DNAJB6: variants seen among roughly 807,000 people sequenced by gnomAD.
DNAJB6 encodes dnaJ homolog subfamily B member 6.
In DNAJB6, 16 loss-of-function variants were observed where a neutral mutation model predicts 42.7. The ratio of observed to expected loss-of-function variants is 0.37; its 90% CI spans 0.25 to 0.57. The LOEUF (loss-of-function observed/expected upper bound fraction) is 0.57. Among genes scored for constraint, DNAJB6 ranks in the 20% least tolerant of loss-of-function variants. The pLI, the probability that DNAJB6 is intolerant of heterozygous loss-of-function variation, is 0.74. For missense variants in DNAJB6, 347 were observed against 416.8 expected, an observed-to-expected ratio of 0.83 and a Z score of 1.46; for synonymous variants, 170 against 163.5, an observed-to-expected ratio of 1.04 and a Z score of -0.30.
intron 8 of DNAJB6, among the ~76,000 whole-genome samples, chr7:157,392,137 C>T (rs1482968376): frequency 3.4e-5 from 5 of 147,666 alleles, no homozygotes; most frequent in Non-Finnish European, 4.5e-5. Context: ...TAAATGATTT[C>T]TTAGAAGGAG....
intron 1 of DNAJB6, among the ~76,000 whole-genome samples, chr7:157,341,897 C>T (rs1048919857): frequency 6.6e-6 from 1 of 152,172 alleles, no homozygotes; most frequent in Non-Finnish European, 1.5e-5. Flanking sequence ...TTTAGAGTCT[C>T]ACACTGTCAC....
Position 157,416,266 on chromosome 7 carries a change from G to A in DNAJB6, c.*168G>A, listed in dbSNP as rs1796105667. The A allele has an allele frequency of 1.7e-5, 18 of 1,060,780 alleles. No individual in the cohort carries two copies. Among genetic ancestry groups the A allele is most frequent in the Middle Eastern group, 3.2e-4 (1 of 3,162 alleles). 65.7% of individuals were successfully genotyped at this position (1,060,780 alleles called of 1,614,324 possible). ...ATCAGTCAGAGCAGGGTCAGGAGAC[G>A]GGGCTGACGGCACGGGTGGCGGGGA... On this transcript the variant is annotated 3_prime_UTR_variant, in exon 10 of 10. Coordinates refer to ENST00000262177, the MANE Select transcript of DNAJB6 (RefSeq NM_058246.4).
At chr7:157,344,543 G>C (rs1234028605) in intron 1 of DNAJB6, among the ~76,000 whole-genome samples, 3 of 151,982 alleles carry the variant, frequency 2.0e-5, no homozygotes, top group Admixed American at 6.6e-5. Context: ...TTTGTAGTTA[G>C]AGAATATCTT....
intron 5 of DNAJB6, chr7:157,382,036 AT>A: frequency 1.5e-5 from 7 of 461,608 alleles, no homozygotes; most frequent in Non-Finnish European, 1.9e-5. Flanking sequence ...GATACAATGT[AT>A]TGTAGTTTTA....
intron 1 of DNAJB6, among the ~76,000 whole-genome samples, chr7:157,355,214 C>A (rs374299190): frequency 1.3e-5 from 2 of 152,122 alleles, no homozygotes; most frequent in African/African-American, 4.8e-5. Flanking sequence ...AGTGCAGTGG[C>A]GCGGGCGCGA....
intron 5 of DNAJB6, among the ~76,000 whole-genome samples, chr7:157,370,439 TTTC>T (rs796308538): frequency 2.9e-4 from 44 of 152,330 alleles, no homozygotes; most frequent in African/African-American, 1.0e-3. Flanking sequence ...AAACAGGTCC[TTTC>T]TTAACATTAT....
intron 2 of DNAJB6, among the ~76,000 whole-genome samples, chr7:157,362,869 G>A (rs1799673356): frequency 6.6e-6 from 1 of 152,176 alleles, no homozygotes; most frequent in African/African-American, 2.4e-5. Context: ...GACTGCAGTG[G>A]TGTGATCATA....
chr7:157,381,775 T>TGTGTGTGTGG (rs1012243898), intron 5 of DNAJB6: 1 of 150,198 alleles, frequency 6.7e-6, no homozygotes, highest in Non-Finnish European at 1.5e-5. Flanking sequence ...TGTGTGTGTG[T>TGTGTGTGTGG]GGGCGCGCGC....
intron 2 of DNAJB6, among the ~76,000 whole-genome samples, chr7:157,359,531 A>G (rs1275710157): frequency 6.6e-6 from 1 of 152,138 alleles, no homozygotes; most frequent in Non-Finnish European, 1.5e-5. Context: ...TCATTTTAAA[A>G]TGCTAAATTA....
At chr7:157,393,967 C>T (rs1316576512) in intron 8 of DNAJB6, among the ~76,000 whole-genome samples, 1 of 152,188 alleles carries the variant, frequency 6.6e-6, no homozygotes. Flanking sequence ...GATCATGCGC[C>T]TTTCTCATTC....
chr7:157,410,493 C>T, intron 9 of DNAJB6: 1 of 184,814 alleles, frequency 5.4e-6, no homozygotes, highest in East Asian at 1.3e-4. Context: ...GTCTGCCCGC[C>T]CACCCCCCGT....
chr7:157,369,263 T>G (rs1270109876), intron 5 of DNAJB6: 2 of 456,614 alleles, frequency 4.4e-6, no homozygotes, highest in Non-Finnish European at 8.8e-6. Flanking sequence ...CAAGAAATAT[T>G]TCTCTAAGAA....
intron 8 of DNAJB6, among the ~76,000 whole-genome samples, chr7:157,397,719 C>A (rs1468900228): frequency 6.6e-6 from 1 of 152,210 alleles, no homozygotes; most frequent in Non-Finnish European, 1.5e-5. Context: ...CTGGAGCCAC[C>A]TCTTCATAAG....
chr7:157,346,242 TATTTTACACTTA>T (rs1454416294), intron 1 of DNAJB6, among the ~76,000 whole-genome samples: 1 of 148,650 alleles, frequency 6.7e-6, no homozygotes, highest in Non-Finnish European at 1.5e-5. Flanking sequence ...TGAATCCATG[TATTTTACACTTA>T]AATGATATTA....
intron 1 of DNAJB6, among the ~76,000 whole-genome samples, chr7:157,342,164 T>C (rs1188574548): frequency 6.6e-6 from 1 of 151,224 alleles, no homozygotes; most frequent in East Asian, 2.0e-4. Flanking sequence ...GGCCCTATTT[T>C]ATTATAATAA....
At chr7:157,375,043 G>A (rs1393809963) in intron 5 of DNAJB6, among the ~76,000 whole-genome samples, 1 of 151,886 alleles carries the variant, frequency 6.6e-6, no homozygotes, top group African/African-American at 2.4e-5. Flanking sequence ...AGTGCTCCCA[G>A]GGGGAGATGT....
intron 1 of DNAJB6, among the ~76,000 whole-genome samples, chr7:157,338,161 A>G (rs993299620): frequency 1.3e-5 from 2 of 152,212 alleles, no homozygotes; most frequent in African/African-American, 4.8e-5. Flanking sequence ...CGAAGAAAGG[A>G]AACAGACGTT....
intron 1 of DNAJB6, among the ~76,000 whole-genome samples, chr7:157,351,512 A>G (rs892040579): frequency 1.3e-5 from 2 of 151,986 alleles, no homozygotes; most frequent in African/African-American, 4.8e-5. Flanking sequence ...GGATGCCTGT[A>G]GTCCCAGCTC....
intron 3 of DNAJB6, among the ~76,000 whole-genome samples, chr7:157,366,119 T>C (rs1472490289): frequency 6.6e-6 from 1 of 151,962 alleles, no homozygotes; most frequent in East Asian, 1.9e-4. Context: ...CCTGGCTAAT[T>C]ATTGTATTTT....
Sources: gnomAD v4.1 joint callset for allele counts (sites outside exome capture counted in the v4.1 genomes callset) on GRCh38, gnomAD v4.1.1 for gene constraint, MANE v1.5 for transcripts, NCBI Gene and HGNC (gene_info 2026-07-23, HGNC 2026-07-21) for gene names.